Variants in TMEM156 observed in about 807,000 individuals in gnomAD.
The protein encoded by TMEM156 is transmembrane protein 156.
A neutral mutation model predicts 30.5 loss-of-function variants in TMEM156; 28 were observed. That is an observed-to-expected ratio of 0.92 (90% CI 0.68 to 1.26). The LOEUF (loss-of-function observed/expected upper bound fraction) is 1.26. Among genes scored for constraint, TMEM156 ranks in the 50% most tolerant of loss-of-function variants. TMEM156 has a pLI of 0.00. For missense variants in TMEM156, 351 were observed against 340.6 expected, an observed-to-expected ratio of 1.03 and a Z score of -0.24; for synonymous variants, 137 against 119.9, an observed-to-expected ratio of 1.14 and a Z score of -0.93.
Position 38,967,493 on chromosome 4 carries a change from T to C in TMEM156, c.*187A>G, listed in dbSNP as rs1722399551. 6.6e-6 allele frequency: 1 copy of C among 152,204 alleles called. No homozygotes were observed. The highest frequency in any genetic ancestry group is 2.4e-5 in the African/African-American group (1 of 41,462). The allele number at this position is 152,204 out of a possible 1,614,324, so 9.4% of individuals were successfully genotyped here. On this transcript the variant is annotated 3_prime_UTR_variant, in exon 7 of 7. Transcript: ENST00000381938. ...ATCTCATGGAGCGAATGAATGCTCTTAAGCTAGTTTTCATCAACCAGTCAG... is the reference window on the plus strand; with the variant it reads ...ATCTCATGGAGCGAATGAATGCTCTCAAGCTAGTTTTCATCAACCAGTCAG...
intron 1 of TMEM156, among the ~76,000 whole-genome samples, chr4:39,019,539 G>A (rs998983424): frequency 2.0e-5 from 3 of 152,100 alleles, no homozygotes; most frequent in Admixed American, 1.3e-4. Context: ...GGGAATAAAC[G>A]ACTCTGTTTG....
chr4:38,971,152 G>C lies in TMEM156; in HGVS notation c.824-15C>G. ...CGTGGTCTCTGCTATTTAAGAAGGA[G>C]AACTGTTTTAGTCTATATGTAGTAA... is the stretch of plus-strand genomic sequence containing the variant. On this transcript the variant is annotated splice_polypyrimidine_tract_variant and intron_variant, in intron 5 of 6. Coordinates refer to ENST00000381938, the MANE Select transcript of TMEM156 (RefSeq NM_024943.3). 6.2e-7 allele frequency: 1 copy of C among 1,612,994 alleles called. No homozygotes were observed. The highest frequency in any genetic ancestry group is 8.5e-7 in the Non-Finnish European group (1 of 1,179,126).
intron 1 of TMEM156, among the ~76,000 whole-genome samples, chr4:39,014,367 C>G (rs1207310554): frequency 6.6e-6 from 1 of 152,134 alleles, no homozygotes; most frequent in Non-Finnish European, 1.5e-5. Context: ...AGGTAGAAGA[C>G]ATTGAGGGGT....
Position 38,998,867 on chromosome 4 carries a change from G to A in TMEM156, c.131C>T (p.Ser44Phe). ...ELSCLEVCLQ[S>F]NFTYSLSSLN... ...GGAGGAGAGTGAATAGGTAAAATTA[G>A]ATTGCAAACACACTTCCAGACATGA... The change falls in exon 2 of 7, where the codon TCT becomes TTT. Residue 44 changes from serine (S) to phenylalanine (F), a missense_variant. Transcript: ENST00000381938. The A allele has an allele frequency of 6.2e-7, 1 of 1,613,682 alleles. No individual in the cohort carries two copies.
At chr4:38,981,285 A>T (rs371819704) in intron 5 of TMEM156, among the ~76,000 whole-genome samples, 7 of 152,332 alleles carry the variant, frequency 4.6e-5, no homozygotes, top group Admixed American at 2.6e-4. Context: ...TTGGTGTAAT[A>T]TAAATTATTG....
chr4:39,028,287 T>C (rs1715329232), intron 1 of TMEM156: 3 of 152,222 alleles, frequency 2.0e-5, no homozygotes. Context: ...GATATACTGA[T>C]ATGAGAATAT....
chr4:38,999,114 T>A (rs11938825), intron 1 of TMEM156, among the ~76,000 whole-genome samples: 1,259 of 17,106 alleles, frequency 0.074, 2 homozygotes, highest in South Asian at 0.18. Flanking sequence ...TTATTTATTT[T>A]TTTTTTTTTT....
At chr4:38,986,952 C>T (rs1712050472) in intron 4 of TMEM156, among the ~76,000 whole-genome samples, 1 of 140,636 alleles carries the variant, frequency 7.1e-6, no homozygotes, top group Non-Finnish European at 1.5e-5. Context: ...TATTCAATAA[C>T]ATTTAATGTG....
At position 38,996,274 on chromosome 4, in the gene TMEM156, AAAG is replaced by A. The variant is rs200427656; in HGVS notation, c.359-2279_359-2277del. Among the ~76,000 whole-genome samples, 64 of 140,630 alleles carry A rather than the reference AAAG, an allele frequency of 4.6e-4. 1 individual carries two copies. The highest frequency in any genetic ancestry group is 3.9e-3 in the South Asian group (16 of 4,114). 92.3% of individuals were successfully genotyped at this position (140,630 alleles called of 152,430 possible). ...TGACCATTACTAAGAAAAAAAAAAAAAAGAACAGGTGCAGTGGCTCACACCTGT... is the reference window on the plus strand; with the variant it reads ...TGACCATTACTAAGAAAAAAAAAAAAAACAGGTGCAGTGGCTCACACCTGT... On this transcript the variant is annotated intron_variant, in intron 2 of 6. Coordinates refer to ENST00000381938, the MANE Select transcript of TMEM156 (RefSeq NM_024943.3).
At chr4:38,991,574 A>G (rs67121277) in intron 3 of TMEM156, among the ~76,000 whole-genome samples, 56,339 of 151,950 alleles carry the variant, frequency 0.37, 10,826 homozygotes, top group East Asian at 0.65. Context: ...CGCAGAATAC[A>G]AGAGTACATA....
intron 3 of TMEM156, among the ~76,000 whole-genome samples, chr4:38,992,485 G>C (rs552509756): frequency 6.6e-6 from 1 of 151,474 alleles, no homozygotes; most frequent in East Asian, 1.9e-4. Flanking sequence ...AGTTATGCAA[G>C]TATGTAAGAT....
rs71304784 is a variant in TMEM156 at position 38,990,830 on chromosome 4, G to GTTTTTTTTTTTTTTTTT, written c.620-1877_620-1861dup. 8.9e-3 allele frequency among the ~76,000 whole-genome samples: 719 copies of GTTTTTTTTTTTTTTTTT among 81,070 alleles called. 67 individuals carry two copies. The highest frequency in any genetic ancestry group is 0.013 in the Non-Finnish European group (550 of 41,276). The allele number at this position is 81,070 out of a possible 152,430, so 53.2% of individuals were successfully genotyped here. ...CTTTGTTTTTTTGGTTTGTTTTCTG[G>GTTTTTTTTTTTTTTTTT]TTTTTTTTTTTTTTTTTTTTTTTGA... On this transcript the variant is annotated intron_variant, in intron 3 of 6. Transcript: ENST00000381938.
In TMEM156 at chr4:39,032,225, C is replaced by A. The variant is rs367647544; in HGVS notation, c.88+1G>T. 1.3e-6 allele frequency: 2 copies of A among 1,575,142 alleles called. No individual in the cohort carries two copies. The highest frequency in any genetic ancestry group is 2.2e-5 in the South Asian group (2 of 89,040). On this transcript the variant is annotated splice_donor_variant, in intron 1 of 6. Coordinates refer to ENST00000381938, the MANE Select transcript of TMEM156 (RefSeq NM_024943.3). LOFTEE classifies it high-confidence loss of function. Reference sequence around the variant, plus strand: ...AAGCTAGATTACAATTATATACTCACCTTTCGGTGTCTTGAAATATTCCGG... The same window carrying A: ...AAGCTAGATTACAATTATATACTCAACTTTCGGTGTCTTGAAATATTCCGG...
At position 39,032,309 on chromosome 4, in the gene TMEM156, G is replaced by T. The variant is rs1236064407; in HGVS notation, c.5C>A (p.Thr2Lys). 6.2e-7 allele frequency: 1 copy of T among 1,601,090 alleles called. No homozygotes were observed. The highest frequency in any genetic ancestry group is 8.5e-7 in the Non-Finnish European group (1 of 1,170,648). Reference protein sequence around the residue: MTKTALLKLFVA... With the variant: MKKTALLKLFVA... ...AAATAATTTAAGGAGGGCTGTTTTT[G>T]TCATGTCTCTTCACATGACACAAAT... The change falls in exon 1 of 7, where the codon ACA becomes AAA. Residue 2 changes from threonine to lysine, a missense_variant. Coordinates refer to ENST00000381938, the MANE Select transcript of TMEM156 (RefSeq NM_024943.3).
At chr4:38,987,001 G>C (rs17583481) in intron 4 of TMEM156, among the ~76,000 whole-genome samples, 1 of 151,598 alleles carries the variant, frequency 6.6e-6, no homozygotes, top group Non-Finnish European at 1.5e-5. Context: ...TGTATGCTTG[G>C]ATTTGCAAGC....
chr4:39,024,716 G>GT (rs1366456414), intron 1 of TMEM156, among the ~76,000 whole-genome samples: 1 of 152,066 alleles, frequency 6.6e-6, no homozygotes, highest in Non-Finnish European at 1.5e-5. Flanking sequence ...TAACTAATGG[G>GT]TACTAGGCTC....
chr4:39,006,323 A>AT (rs550476035), intron 1 of TMEM156, among the ~76,000 whole-genome samples: 85 of 151,972 alleles, frequency 5.6e-4, no homozygotes, highest in Non-Finnish European at 8.2e-4. Flanking sequence ...CTAAGTTTTG[A>AT]TTTTTTGTTA....
At chr4:38,997,275 A>G (rs1388485600) in intron 2 of TMEM156, among the ~76,000 whole-genome samples, 2 of 152,208 alleles carry the variant, frequency 1.3e-5, no homozygotes, top group Admixed American at 1.3e-4. Context: ...TCCAAAGTCA[A>G]TGACAAGGGG....
intron 2 of TMEM156, among the ~76,000 whole-genome samples, chr4:38,994,647 G>A (rs1712791843): frequency 6.6e-6 from 1 of 152,148 alleles, no homozygotes; most frequent in Non-Finnish European, 1.5e-5. Context: ...AAACTGGGGG[G>A]TTTAAAGAAC....
Sources: gnomAD v4.1 joint callset for allele counts (sites outside exome capture counted in the v4.1 genomes callset) on GRCh38, gnomAD v4.1.1 for gene constraint, MANE v1.5 for transcripts, NCBI Gene and HGNC (gene_info 2026-07-23, HGNC 2026-07-21) for gene names.